Variants in RTCA observed in about 807,000 individuals in gnomAD.
RTCA encodes RNA terminal phosphate cyclase domain 1.
Under a neutral mutation model 46.1 loss-of-function variants are expected in RTCA, and 37 were observed. That is an observed-to-expected ratio of 0.80 (90% CI 0.62 to 1.06). RTCA has a LOEUF of 1.06. Among genes scored for constraint, RTCA ranks in the 50% least tolerant of loss-of-function variants. The probability of loss-of-function intolerance (pLI) is 0.00; values close to 1 mark genes in which losing one functional copy is unlikely to be tolerated. For missense variants in RTCA, 435 were observed against 455.5 expected, an observed-to-expected ratio of 0.95 and a Z score of 0.41; for synonymous variants, 164 against 158.3, an observed-to-expected ratio of 1.04 and a Z score of -0.27.
At chr1:100,272,578 A>G (rs547882097) in intron 4 of RTCA, among the ~76,000 whole-genome samples, 9 of 152,344 alleles carry the variant, frequency 5.9e-5, no homozygotes, top group Non-Finnish European at 1.2e-4. Flanking sequence ...TACATAGGAG[A>G]CAACCCAGAG....
intron 8 of RTCA, among the ~76,000 whole-genome samples, chr1:100,283,327 T>A (rs1666824986): frequency 6.6e-6 from 1 of 151,924 alleles, no homozygotes; most frequent in Admixed American, 6.6e-5. Flanking sequence ...CACACAACCA[T>A]GCCTGGCTAA....
At position 100,266,514 on chromosome 1, in the gene RTCA, A is replaced by G. The variant is rs776567060; in HGVS notation, c.46-10A>G. ...TTACTTCTCTTCTCCCTGTACCCCA[A>G]CCTTTGCAGGGCGGCCAGATCCTGA... On this transcript the variant is annotated splice_polypyrimidine_tract_variant and intron_variant, in intron 1 of 10. Transcript: ENST00000370128. The G allele has an allele frequency of 1.9e-5, 31 of 1,612,026 alleles. No individual in the cohort carries two copies. The highest frequency in any genetic ancestry group is 2.7e-5 in the African/African-American group (2 of 74,874).
chr1:100,278,005 A>G (rs749358042), intron 8 of RTCA, among the ~76,000 whole-genome samples: 27 of 152,328 alleles, frequency 1.8e-4, no homozygotes, highest in Non-Finnish European at 3.4e-4. Flanking sequence ...TTTATTAAGA[A>G]TACTACATAG....
chr1:100,281,144 G>T, intron 8 of RTCA: 1 of 515,158 alleles, frequency 1.9e-6, no homozygotes, highest in African/African-American at 2.0e-5. Context: ...CTTTATCATT[G>T]TCTCAGTTAC....
In RTCA at chr1:100,282,623, C is replaced by T. The variant is rs1418153838; in HGVS notation, c.800-2605C>T. Among the ~76,000 whole-genome samples the T allele has an allele frequency of 3.3e-5, 5 of 152,206 alleles. No individual in the cohort carries two copies. The South Asian group carries it at 8.3e-4, about 25-fold the overall frequency. On this transcript the variant is annotated intron_variant, in intron 8 of 10. Coordinates refer to ENST00000370128, the MANE Select transcript of RTCA (RefSeq NM_003729.4). Reference sequence around the variant, plus strand: ...GTAGATAAATAGTGGGTATGCAATACTCCTACAGGTTGAGCATTCCTAATC... The same window carrying T: ...GTAGATAAATAGTGGGTATGCAATATTCCTACAGGTTGAGCATTCCTAATC...
chr1:100,273,493 C>A (rs377383750), intron 5 of RTCA, 41 bp downstream of exon 5: 3 of 1,280,534 alleles, frequency 2.3e-6, no homozygotes, highest in South Asian at 1.4e-5. Context: ...CTATTACTTA[C>A]GCTAGAAGTA....
chr1:100,280,346 G>A (rs1666640343), intron 8 of RTCA, among the ~76,000 whole-genome samples: 1 of 152,110 alleles, frequency 6.6e-6, no homozygotes, highest in East Asian at 1.9e-4. Context: ...TACCAGGCCT[G>A]AAAAAAATTT....
At chr1:100,291,359 C>G (rs757883972) in intron 10 of RTCA, 44 bp from the exon 11 acceptor site, 2 of 1,296,822 alleles carry the variant, frequency 1.5e-6, no homozygotes, top group Admixed American at 4.3e-5. Context: ...GCTCTTTCCT[C>G]CATCTCTCTT....
At chr1:100,275,298 A>G (rs952320634) in intron 6 of RTCA, among the ~76,000 whole-genome samples, 1 of 152,202 alleles carries the variant, frequency 6.6e-6, no homozygotes. Context: ...TACCTAGGTG[A>G]TGGGATCATT....
intron 8 of RTCA, among the ~76,000 whole-genome samples, chr1:100,279,029 A>G (rs979921695): frequency 2.6e-5 from 4 of 152,254 alleles, no homozygotes; most frequent in African/African-American, 9.6e-5. Context: ...CTAATTACAT[A>G]TTAGGTGCAG....
At chr1:100,269,484 C>T (rs1218364540) in intron 3 of RTCA, among the ~76,000 whole-genome samples, 4 of 151,154 alleles carry the variant, frequency 2.6e-5, no homozygotes, top group African/African-American at 7.3e-5. Context: ...CAGGCGTGCA[C>T]CACAATGCCT....
At chr1:100,289,928 G>C (rs910466770) in intron 10 of RTCA, among the ~76,000 whole-genome samples, 2 of 152,174 alleles carry the variant, frequency 1.3e-5, no homozygotes, top group Non-Finnish European at 2.9e-5. Context: ...GTAGGTTTAT[G>C]TATAGGCTAG....
chr1:100,283,108 G>A (rs902276368), intron 8 of RTCA, among the ~76,000 whole-genome samples: 5 of 149,296 alleles, frequency 3.3e-5, no homozygotes, highest in Non-Finnish European at 5.9e-5. Context: ...AATTTCATGT[G>A]TAGACTTGGG....
At chr1:100,275,304 T>G (rs1378166223) in intron 6 of RTCA, among the ~76,000 whole-genome samples, 1 of 152,168 alleles carries the variant, frequency 6.6e-6, no homozygotes, top group Non-Finnish European at 1.5e-5. Context: ...GGTGATGGGA[T>G]CATTCATATA....
intron 2 of RTCA, 75 bp downstream of exon 2, chr1:100,266,699 G>C: frequency 7.8e-7 from 1 of 1,276,720 alleles, no homozygotes; most frequent in Non-Finnish European, 1.1e-6. Context: ...CTGGGGCATC[G>C]GGAGTCCGAG....
rs766689218 is a variant in RTCA at position 100,266,383 on chromosome 1, GGC to G, written c.9_10del (p.Pro4AlafsTer60). ...GGCCCCAGGGTGTCCCCCATGGCGG[GGC>G]CGCGGGTGGAGGTCGATGGCAGCAT... On this transcript the variant is annotated frameshift_variant, in exon 1 of 11. Coordinates refer to ENST00000370128, the MANE Select transcript of RTCA (RefSeq NM_003729.4). LOFTEE classifies it high-confidence loss of function. 18 of 1,611,916 alleles carry G rather than the reference GGC, an allele frequency of 1.1e-5. No homozygotes were observed. Among genetic ancestry groups the G allele is most frequent in the Non-Finnish European group, 1.5e-5 (18 of 1,179,316 alleles).
chr1:100,292,282 T>G lies in RTCA; in HGVS notation c.*778T>G, dbSNP rs1040789145. The G allele has an allele frequency of 6.6e-6, 1 of 152,014 alleles. No homozygotes were observed. Among genetic ancestry groups the G allele is most frequent in the South Asian group, 2.1e-4 (1 of 4,814 alleles). 9.4% of individuals were successfully genotyped at this position (152,014 alleles called of 1,614,324 possible). On this transcript the variant is annotated 3_prime_UTR_variant, in exon 11 of 11. Coordinates refer to ENST00000370128, the MANE Select transcript of RTCA (RefSeq NM_003729.4). ...TATACCTTCTACCTAGTGGGCACTT[T>G]GTACATATTTATTTTTTATTTTATT...
chr1:100,268,118 T>A (rs1665886756), intron 2 of RTCA, 34 bp from the exon 3 acceptor site: 1 of 1,610,702 alleles, frequency 6.2e-7, no homozygotes, highest in African/African-American at 1.3e-5. Flanking sequence ...GCAGTCTGAA[T>A]GCACACGTTT....
chr1:100,290,924 C>T (rs1341195511), intron 10 of RTCA, among the ~76,000 whole-genome samples: 2 of 152,146 alleles, frequency 1.3e-5, no homozygotes, highest in Non-Finnish European at 2.9e-5. Context: ...CACATACCTT[C>T]TCTGAACTGG....
Sources: allele counts gnomAD v4.1 joint callset (sites outside exome capture counted in the v4.1 genomes callset), GRCh38; gene constraint gnomAD v4.1.1; transcripts MANE v1.5; gene names NCBI Gene and HGNC (gene_info 2026-07-23, HGNC 2026-07-21).